PDIA4: variants seen among roughly 807,000 people sequenced by gnomAD.
PDIA4 encodes the protein protein disulfide-isomerase A4.
PDIA4 carries 33 observed loss-of-function variants against 62.1 expected under a neutral mutation model. The ratio of observed to expected loss-of-function variants is 0.53; its 90% CI spans 0.40 to 0.71. The LOEUF (loss-of-function observed/expected upper bound fraction) is 0.71. Among genes scored for constraint, PDIA4 ranks in the 30% least tolerant of loss-of-function variants. The pLI is 0.00. For missense variants in PDIA4, 804 were observed against 813.6 expected (o/e 0.99, Z 0.14); for synonymous variants, 341 against 324.1 (o/e 1.05, Z -0.56).
At chr7:149,026,819 G>C (rs2129506057) in intron 1 of PDIA4, among the ~76,000 whole-genome samples, 1 of 146,928 alleles carries the variant, frequency 6.8e-6, no homozygotes, top group South Asian at 2.2e-4. Flanking sequence ...AAAAAAAAAC[G>C]GAGCTAGAAG....
In PDIA4 at chr7:149,005,258, C is replaced by T. The variant is rs377136261; in HGVS notation, c.1405G>A (p.Glu469Lys). 1.6e-5 allele frequency: 26 copies of T among 1,614,048 alleles called. No individual in the cohort carries two copies. The highest frequency in any genetic ancestry group is 4.5e-5 in the East Asian group (2 of 44,894). The change falls in exon 9 of 10, where the codon GAG becomes AAG. Residue 469 changes from glutamate to lysine, a missense_variant. Transcript: ENST00000652332. Reference sequence around the variant, plus strand: ...GCGGCATTGACATCCTCCCCACTCTCGCTGAGCCCCAGGTCCTTCACCTCC... The same window carrying T: ...GCGGCATTGACATCCTCCCCACTCTTGCTGAGCCCCAGGTCCTTCACCTCC... ...AGEVKDLGLS[E>K]SGEDVNAAIL... is the part of the protein sequence containing the mutation.
At chr7:149,028,065 G>A (rs1302784243) in intron 1 of PDIA4, 6 of 628,444 alleles carry the variant, frequency 9.5e-6, no homozygotes, top group Non-Finnish European at 1.8e-5. Context: ...GGGTGACAGG[G>A]GTCTTCCAGG....
chr7:149,003,769 C>A lies in PDIA4; in HGVS notation c.*25G>T. The A allele has an allele frequency of 6.7e-7, 1 of 1,491,746 alleles. No individual in the cohort carries two copies. The highest frequency in any genetic ancestry group is 8.9e-7 in the Non-Finnish European group (1 of 1,120,962). The allele number at this position is 1,491,746 out of a possible 1,614,324, so 92.4% of individuals were successfully genotyped here. On this transcript the variant is annotated 3_prime_UTR_variant, in exon 10 of 10. Transcript: ENST00000652332. ...GGGCCACGCAGGGCGTCTGCCTCCT[C>A]CCACCTTCCGCAGACCTCAGGCCTT... is the stretch of plus-strand genomic sequence containing the variant.
chr7:149,010,044 G>A lies in PDIA4; in HGVS notation c.980-1734C>T, dbSNP rs718411. On this transcript the variant is annotated intron_variant, in intron 6 of 9. Transcript: ENST00000652332. ...CATGTTTTTGGGAGGGCAGGGGATG[G>A]GGGGGCAGCCTGGATAAGCCTGTGG... 3.3e-3 allele frequency among the ~76,000 whole-genome samples: 507 copies of A among 152,106 alleles called. 3 individuals are homozygous for A. Among genetic ancestry groups the A allele is most frequent in the African/African-American group, 0.011 (466 of 41,522 alleles).
At chr7:149,005,858 C>G in intron 8 of PDIA4, 39 bp downstream of exon 8, 1 of 1,440,264 alleles carries the variant, frequency 6.9e-7, no homozygotes. Flanking sequence ...CGAGTCCCCC[C>G]ACCCCCCACC....
chr7:149,006,634 C>T (rs1321377369), intron 7 of PDIA4, among the ~76,000 whole-genome samples: 2 of 152,144 alleles, frequency 1.3e-5, no homozygotes, highest in African/African-American at 4.8e-5. Context: ...GAGGGCCCCG[C>T]TGGTGAGAAG....
At chr7:149,023,366 CTT>C (rs1406341400) in intron 1 of PDIA4, among the ~76,000 whole-genome samples, 1 of 152,202 alleles carries the variant, frequency 6.6e-6, no homozygotes, top group African/African-American at 2.4e-5. Flanking sequence ...TTACCTGTGT[CTT>C]TGAATGAATC....
chr7:149,011,509 G>A (rs913935862), intron 6 of PDIA4, among the ~76,000 whole-genome samples: 1 of 152,232 alleles, frequency 6.6e-6, no homozygotes, highest in Non-Finnish European at 1.5e-5. Flanking sequence ...TGTGGTCACA[G>A]TGATAATAAC....
chr7:149,021,126 G>T lies in PDIA4; in HGVS notation c.110C>A (p.Ala37Asp), dbSNP rs1197792963. The T allele has an allele frequency of 1.9e-6, 3 of 1,597,308 alleles. No homozygotes were observed. The East Asian group carries it at 6.8e-5, about 36-fold the overall frequency. Residue 37 changes from alanine (A) to aspartate (D), a missense_variant, in exon 2 of 10, where the codon GCC (alanine) becomes GAC (aspartate). By Grantham distance (126) the Ala-to-Asp change is moderately radical. Coordinates refer to ENST00000652332, the MANE Select transcript of PDIA4 (RefSeq NM_004911.5). Reference sequence around the variant, plus strand: ...CTCCTCCTCCTCTTCATCCTCAATGGCATTTTCTCTGTTAGAAGAATCTGA... The same window carrying T: ...CTCCTCCTCCTCTTCATCCTCAATGTCATTTTCTCTGTTAGAAGAATCTGA... The part of the protein sequence containing the change: ...PDEDSSNREN[A>D]IEDEEEEEEE...
chr7:149,020,899 C>A (rs1239487462), intron 2 of PDIA4, 68 bp downstream of exon 2: 4 of 1,555,832 alleles, frequency 2.6e-6, no homozygotes, highest in East Asian at 2.3e-5. Context: ...TCTGGATGAC[C>A]GGGTGAAGGG....
chr7:149,022,192 T>G (rs1824377075), intron 1 of PDIA4, among the ~76,000 whole-genome samples: 1 of 152,160 alleles, frequency 6.6e-6, no homozygotes, highest in Non-Finnish European at 1.5e-5. Flanking sequence ...TTATAATCCT[T>G]GAGGAAAAGG....
chr7:149,008,440 C>T, intron 6 of PDIA4, 130 bp from the exon 7 acceptor site: 1 of 875,012 alleles, frequency 1.1e-6, no homozygotes, highest in Middle Eastern at 3.4e-4. Context: ...GTGGCTCACG[C>T]CTGTAATCCC....
At chr7:149,013,746 C>CA (rs111563409) in intron 4 of PDIA4, among the ~76,000 whole-genome samples, 2,001 of 152,150 alleles carry the variant, frequency 0.013, 47 homozygotes, top group African/African-American at 0.046. Flanking sequence ...ATCAAAAGAC[C>CA]AAAAAACTGT....
intron 1 of PDIA4, 35 bp downstream of exon 1, chr7:149,028,286 A>C: frequency 6.8e-7 from 1 of 1,471,484 alleles, no homozygotes; most frequent in African/African-American, 1.4e-5. Context: ...AGCCCCCGCA[A>C]GCACAGCCCG....
intron 3 of PDIA4, among the ~76,000 whole-genome samples, chr7:149,017,828 A>C (rs1342443272): frequency 6.6e-6 from 1 of 152,252 alleles, no homozygotes; most frequent in East Asian, 1.9e-4. Context: ...GATTGCAGAC[A>C]TCCTCAGAGA....
chr7:149,020,623 G>C (rs1290952668), intron 2 of PDIA4, among the ~76,000 whole-genome samples: 1 of 152,190 alleles, frequency 6.6e-6, no homozygotes, highest in Non-Finnish European at 1.5e-5. Context: ...GAGACAGGTC[G>C]GAGCAGAATC....
intron 3 of PDIA4, among the ~76,000 whole-genome samples, chr7:149,015,464 C>T (rs1291548352): frequency 7.9e-6 from 1 of 126,592 alleles, no homozygotes; most frequent in Non-Finnish European, 1.6e-5. Context: ...TCTAATGTTA[C>T]TATATTACAT....
intron 2 of PDIA4, among the ~76,000 whole-genome samples, chr7:149,020,205 C>T: frequency 6.6e-6 from 1 of 152,204 alleles, no homozygotes; most frequent in Admixed American, 6.5e-5. Flanking sequence ...AAGTGATCTG[C>T]CCGCCTTGGC....
rs751263372 is a variant in PDIA4 at position 149,015,029 on chromosome 7, C to T, written c.489G>A (p.Lys163=). 2 of 1,614,168 alleles carry T rather than the reference C, an allele frequency of 1.2e-6. No homozygotes were observed. The highest frequency in any genetic ancestry group is 2.2e-5 in the South Asian group (2 of 91,082). ...AGTCGGGCTGGGAGACTTCTCTGACCTTGGCAACAATTTCTGAAAGAAACC... is the reference window on the plus strand; with the variant it reads ...AGTCGGGCTGGGAGACTTCTCTGACTTTGGCAACAATTTCTGAAAGAAACC... The part of the protein sequence containing the change: ...GSRTQEEIVA[K]VREVSQPDWT... The change falls in exon 4 of 10, where the codon AAG becomes AAA. Residue 163 remains lysine, a synonymous_variant. Coordinates refer to ENST00000652332, the MANE Select transcript of PDIA4 (RefSeq NM_004911.5).
Sources: gnomAD v4.1 joint callset for allele counts (sites outside exome capture counted in the v4.1 genomes callset) on GRCh38, gnomAD v4.1.1 for gene constraint, MANE v1.5 for transcripts, NCBI Gene and HGNC (gene_info 2026-07-23, HGNC 2026-07-21) for gene names.